Variants in BCLAF1 observed in about 807,000 individuals in gnomAD.
BCLAF1 encodes the protein bcl-2-associated transcription factor 1.
A neutral mutation model predicts 99.5 loss-of-function variants in BCLAF1; 10 were observed. The observed-to-expected ratio is 0.10, with a 90% CI of 0.06 to 0.17. The LOEUF (loss-of-function observed/expected upper bound fraction) is 0.17, where lower values mean the gene tolerates loss of function less well. Ranked by LOEUF, BCLAF1 falls within the 10% of genes least tolerant of loss-of-function variation. The probability of loss-of-function intolerance (pLI) is 1.00; values close to 1 mark genes in which losing one functional copy is unlikely to be tolerated. For synonymous variants in BCLAF1, 255 were observed against 370.9 expected (o/e 0.69, Z 3.59); for missense variants, 636 against 1,105.8 (o/e 0.58, Z 6.02).
intron 6 of BCLAF1, among the ~76,000 whole-genome samples, chr6:136,274,747 A>G (rs996940613): frequency 1.3e-5 from 2 of 152,072 alleles, no homozygotes; most frequent in African/African-American, 4.8e-5. Context: ...CAGAAACAAA[A>G]CAACAAAAAC....
At chr6:136,265,268 T>C (rs915935742) in intron 11 of BCLAF1, among the ~76,000 whole-genome samples, 5 of 152,130 alleles carry the variant, frequency 3.3e-5, no homozygotes, top group Non-Finnish European at 7.4e-5. Flanking sequence ...GATTTTTTTG[T>C]TTCTCTAAAT....
intron 11 of BCLAF1, 136 bp downstream of exon 11, chr6:136,266,893 G>T: frequency 8.8e-7 from 1 of 1,137,154 alleles, no homozygotes; most frequent in East Asian, 2.5e-5. Flanking sequence ...AAATCGTCTG[G>T]GTAATTATTT....
At chr6:136,286,900 G>A (rs1380501296) in intron 1 of BCLAF1, among the ~76,000 whole-genome samples, 1 of 152,110 alleles carries the variant, frequency 6.6e-6, no homozygotes, top group African/African-American at 2.4e-5. Flanking sequence ...CCCATGAGGT[G>A]GAGGTTGCAG....
chr6:136,281,634 T>TAAGAC (rs1784393731), intron 2 of BCLAF1, among the ~76,000 whole-genome samples: 1 of 152,220 alleles, frequency 6.6e-6, no homozygotes, highest in Admixed American at 6.5e-5. Flanking sequence ...AGTCCAGCAA[T>TAAGAC]AAGACAACAT....
chr6:136,276,757 G>C (rs560241373), intron 4 of BCLAF1, among the ~76,000 whole-genome samples: 3 of 152,270 alleles, frequency 2.0e-5, no homozygotes, highest in African/African-American at 7.2e-5. Context: ...ACAAAAACCT[G>C]TCCTATTTAG....
Position 136,263,055 on chromosome 6 carries a change from ATGGATC to A in BCLAF1, c.2545-1584_2545-1579del, listed in dbSNP as rs886163489. 2.8e-4 allele frequency among the ~76,000 whole-genome samples: 42 copies of A among 152,322 alleles called. 1 individual carries two copies. The highest frequency in any genetic ancestry group is 8.7e-4 in the African/African-American group (36 of 41,584). On this transcript the variant is annotated intron_variant, in intron 11 of 12. Coordinates refer to ENST00000531224, the MANE Select transcript of BCLAF1 (RefSeq NM_014739.3). ...AAATGATGTTTCTATAGTGTGTAAT[ATGGATC>A]TGGCCCTGTTCTGAACACTTCACAT...
Position 136,269,558 on chromosome 6 carries a change from G to A in BCLAF1, c.2098C>T (p.Arg700Cys), listed in dbSNP as rs765809771. The A allele has an allele frequency of 8.7e-6, 14 of 1,611,502 alleles. No homozygotes were observed. Among genetic ancestry groups the A allele is most frequent in the Non-Finnish European group, 1.1e-5 (13 of 1,178,810 alleles). ...SADLRHDIDR[R>C]RKERSKERGD... is the part of the protein sequence containing the mutation. ...CGTTCTTTACTTCTTTCTTTTCTAC[G>A]GCGATCAATGTCATGCCGAAGGTCA... Residue 700 changes from arginine to cysteine, a missense_variant, in exon 9 of 13, where the codon CGT becomes TGT. Physicochemically the swap from Arg to Cys is radical, Grantham distance 180. This residue lies in a region of BCLAF1 where 180 missense variants were observed against 270.0 expected (regional missense o/e 0.67). Coordinates refer to ENST00000531224, the MANE Select transcript of BCLAF1 (RefSeq NM_014739.3).
intron 5 of BCLAF1, 43 bp from the exon 6 acceptor site, chr6:136,275,744 T>C (rs779614194): frequency 2.6e-6 from 4 of 1,559,130 alleles, no homozygotes; most frequent in East Asian, 4.5e-5. Flanking sequence ...AATATACCAT[T>C]GGTTTAAATA....
intron 5 of BCLAF1, 53 bp downstream of exon 5, chr6:136,275,790 A>G (rs1275141029): frequency 2.5e-6 from 4 of 1,572,206 alleles, no homozygotes; most frequent in South Asian, 1.2e-5. Context: ...AAGATAATTA[A>G]CTGGAATACT....
chr6:136,278,811 A>T (rs527893125), intron 3 of BCLAF1, 35 bp from the exon 4 acceptor site: 3 of 1,463,504 alleles, frequency 2.0e-6, no homozygotes, highest in Non-Finnish European at 2.7e-6. Flanking sequence ...CAAGAAAAAT[A>T]AAGTATTCCA....
chr6:136,284,399 A>G (rs1326964451), intron 1 of BCLAF1, among the ~76,000 whole-genome samples: 2 of 152,104 alleles, frequency 1.3e-5, no homozygotes, highest in African/African-American at 4.8e-5. Context: ...TAGTTCAACT[A>G]ATTTTTAAAA....
At chr6:136,266,759 TATA>T (rs1438806578) in intron 11 of BCLAF1, among the ~76,000 whole-genome samples, 2 of 152,094 alleles carry the variant, frequency 1.3e-5, no homozygotes, top group East Asian at 1.9e-4. Flanking sequence ...TCAACTATAA[TATA>T]ATGTTTTTCT....
rs762465042 is a variant in BCLAF1, at chr6:136,275,484, T to C, written c.1852+48A>G. 4 of 1,434,336 alleles carry C rather than the reference T, an allele frequency of 2.8e-6. No homozygotes were observed. The South Asian group carries it at 6.4e-5, about 23-fold the overall frequency. The allele number at this position is 1,434,336 out of a possible 1,614,324, so 88.9% of individuals were successfully genotyped here. A position where few individuals can be genotyped will look rare whatever the true frequency, so the allele number is the denominator to read the frequency against. ...AAGCATAATTACACATTTTTTTATT[T>C]GCATGCAAGAGAAATTTAATTCACG... is the stretch of plus-strand genomic sequence containing the variant. On this transcript the variant is annotated intron_variant, in intron 6 of 12. Coordinates refer to ENST00000531224, the MANE Select transcript of BCLAF1 (RefSeq NM_014739.3).
chr6:136,275,781 A>T, intron 5 of BCLAF1, 62 bp downstream of exon 5: 2 of 1,568,862 alleles, frequency 1.3e-6, no homozygotes, highest in Non-Finnish European at 1.7e-6. Flanking sequence ...AGAAAGTTTA[A>T]GATAATTAAC....
At chr6:136,279,661 A>C in intron 3 of BCLAF1, 102 bp downstream of exon 3, 1 of 1,167,798 alleles carries the variant, frequency 8.6e-7, no homozygotes, top group Middle Eastern at 3.2e-4. Flanking sequence ...GGGTTCTTTG[A>C]GAATAAAATA....
At chr6:136,273,956 A>C (rs1782906687) in intron 6 of BCLAF1, 1 of 1,195,590 alleles carries the variant, frequency 8.4e-7, no homozygotes, top group Non-Finnish European at 1.1e-6. Flanking sequence ...ATCTGTTGTC[A>C]ACTTACCGCC....
intron 11 of BCLAF1, among the ~76,000 whole-genome samples, chr6:136,266,262 T>C (rs1781701785): frequency 6.6e-6 from 1 of 152,040 alleles, no homozygotes; most frequent in Non-Finnish European, 1.5e-5. Flanking sequence ...AATACAATCT[T>C]CCTCCATGGA....
Position 136,278,081 on chromosome 6 carries a change from T to C in BCLAF1, c.800A>G (p.His267Arg), listed in dbSNP as rs375138263. ...TPSQHSHSIQ[H>R]SPERSGSGSV... is the part of the protein sequence containing the mutation. Reference sequence around the variant, plus strand: ...ACCAGACCCAGACCTTTCAGGACTATGCTGAATGGAATGTGAATGCTGAGA... The same window carrying C: ...ACCAGACCCAGACCTTTCAGGACTACGCTGAATGGAATGTGAATGCTGAGA... Residue 267 changes from histidine to arginine, a missense_variant, in exon 4 of 13, where the codon CAT (histidine) becomes CGT (arginine). By Grantham distance (29) the His-to-Arg change is conservative. This residue lies in a region of BCLAF1 where 5 missense variants were observed against 35.0 expected (regional missense o/e 0.14). Transcript: ENST00000531224. 8 of 1,608,004 alleles carry C rather than the reference T, an allele frequency of 5.0e-6. No individual in the cohort carries two copies. Among genetic ancestry groups the C allele is most frequent in the Non-Finnish European group, 6.8e-6 (8 of 1,175,758 alleles).
At chr6:136,289,354 G>A (rs1215426355) in intron 1 of BCLAF1, among the ~76,000 whole-genome samples, 1 of 152,238 alleles carries the variant, frequency 6.6e-6, no homozygotes, top group Non-Finnish European at 1.5e-5. Flanking sequence ...GAGCGCGCGT[G>A]CGCGGAGCGT....
Sources: gnomAD v4.1 joint callset for allele counts (sites outside exome capture counted in the v4.1 genomes callset) on GRCh38, gnomAD v4.1.1 for gene constraint, gnomAD v4.1.1 regional missense constraint, MANE v1.5 for transcripts, NCBI Gene and HGNC (gene_info 2026-07-23, HGNC 2026-07-21) for gene names.